Variants in MSI2 observed in about 807,000 individuals in gnomAD.
MSI2 encodes musashi RNA binding protein 2.
MSI2 carries 17 observed loss-of-function variants against 45.6 expected under a neutral mutation model. The observed-to-expected ratio is 0.37, with a 90% CI of 0.26 to 0.56. The LOEUF is 0.56. Among genes scored for constraint, MSI2 ranks in the 20% least tolerant of loss-of-function variants. The probability of loss-of-function intolerance (pLI) is 0.77; values close to 1 mark genes in which losing one functional copy is unlikely to be tolerated. For synonymous variants in MSI2, 156 were observed against 158.2 expected (o/e 0.99, Z 0.11); for missense variants, 293 against 444.2 (o/e 0.66, Z 3.06).
At chr17:57,495,247 T>C (rs1242133363) in intron 6 of MSI2, among the ~76,000 whole-genome samples, 1 of 152,080 alleles carries the variant, frequency 6.6e-6, no homozygotes, top group Non-Finnish European at 1.5e-5. Flanking sequence ...GAAAGCTTCA[T>C]ATGGGCCGGG....
chr17:57,291,809 A>G (rs776362777), intron 5 of MSI2, among the ~76,000 whole-genome samples: 1 of 151,740 alleles, frequency 6.6e-6, no homozygotes, highest in Non-Finnish European at 1.5e-5. Context: ...TTTTTGAGTG[A>G]AGGACGGGGG....
At chr17:57,602,811 G>T (rs1284260770) in intron 8 of MSI2, among the ~76,000 whole-genome samples, 1 of 152,176 alleles carries the variant, frequency 6.6e-6, no homozygotes, top group Non-Finnish European at 1.5e-5. Flanking sequence ...CCATGTACCA[G>T]CAGCCTTGGC....
intron 10 of MSI2, among the ~76,000 whole-genome samples, chr17:57,634,595 T>C (rs1219991556): frequency 6.6e-6 from 1 of 152,012 alleles, no homozygotes; most frequent in Non-Finnish European, 1.5e-5. Context: ...ATTAGCCAGG[T>C]AAAGAAGGAA....
intron 5 of MSI2, among the ~76,000 whole-genome samples, chr17:57,324,040 G>A (rs1670123682): frequency 6.6e-6 from 1 of 152,210 alleles, no homozygotes; most frequent in African/African-American, 2.4e-5. Context: ...CAGGTGTGGT[G>A]GCCCATGCCT....
chr17:57,258,755 G>A (rs1907048171), intron 4 of MSI2, among the ~76,000 whole-genome samples: 1 of 152,168 alleles, frequency 6.6e-6, no homozygotes, highest in Admixed American at 6.5e-5. Context: ...TGGCCAAGGG[G>A]GACAGCAGTG....
intron 5 of MSI2, among the ~76,000 whole-genome samples, chr17:57,350,409 G>A (rs1264356010): frequency 6.6e-6 from 1 of 152,136 alleles, no homozygotes; most frequent in Non-Finnish European, 1.5e-5. Context: ...TGCAAGGAAG[G>A]GATGTGTCTG....
intron 5 of MSI2, among the ~76,000 whole-genome samples, chr17:57,302,573 A>C (rs971704124): frequency 1.3e-5 from 2 of 152,210 alleles, no homozygotes; most frequent in African/African-American, 4.8e-5. Context: ...TAAATGACAC[A>C]AATGGCTGCT....
chr17:57,396,265 C>T (rs1183584915), intron 5 of MSI2, among the ~76,000 whole-genome samples: 1 of 151,900 alleles, frequency 6.6e-6, no homozygotes, highest in African/African-American at 2.4e-5. Context: ...TTTTTGTTTT[C>T]CTTGTGTGAT....
intron 10 of MSI2, among the ~76,000 whole-genome samples, chr17:57,644,442 A>G (rs1204108864): frequency 6.6e-6 from 1 of 152,024 alleles, no homozygotes; most frequent in Non-Finnish European, 1.5e-5. Flanking sequence ...CACAGAAGTC[A>G]GGGCTGTGGA....
intron 9 of MSI2, among the ~76,000 whole-genome samples, chr17:57,617,300 A>G (rs1264291665): frequency 6.6e-6 from 1 of 152,258 alleles, no homozygotes; most frequent in Non-Finnish European, 1.5e-5. Flanking sequence ...AATTGGCCAG[A>G]TGTTTCTAAA....
At chr17:57,421,985 A>C (rs2084404773) in intron 6 of MSI2, among the ~76,000 whole-genome samples, 1 of 152,248 alleles carries the variant, frequency 6.6e-6, no homozygotes, top group African/African-American at 2.4e-5. Context: ...ACAGTGGTTT[A>C]ATATTTAATA....
intron 5 of MSI2, among the ~76,000 whole-genome samples, chr17:57,379,412 G>A (rs1481589522): frequency 6.6e-6 from 1 of 151,604 alleles, no homozygotes; most frequent in South Asian, 2.1e-4. Flanking sequence ...ATTATGTGGC[G>A]AAGCCTTCAA....
chr17:57,311,284 T>C (rs895150135), intron 5 of MSI2, among the ~76,000 whole-genome samples: 3 of 152,244 alleles, frequency 2.0e-5, no homozygotes, highest in South Asian at 2.1e-4. Context: ...GATAAAGTGG[T>C]GCTGGGTCTT....
chr17:57,630,241 C>G (rs1006892513), intron 10 of MSI2: 7 of 152,228 alleles, frequency 4.6e-5, no homozygotes, highest in African/African-American at 1.7e-4. Context: ...AGTGTTTTTG[C>G]CCAGGGCCCA....
intron 6 of MSI2, among the ~76,000 whole-genome samples, chr17:57,519,668 A>G (rs1206445741): frequency 6.6e-6 from 1 of 151,752 alleles, no homozygotes; most frequent in Non-Finnish European, 1.5e-5. Flanking sequence ...TTACCTAATC[A>G]CCTCTATTCA....
the MSI2 span, among the ~76,000 whole-genome samples, chr17:57,697,501 C>A: frequency 6.6e-6 from 1 of 152,126 alleles, no homozygotes; most frequent in East Asian, 1.9e-4. Context: ...CACTGCTTCC[C>A]TCACACTCCC....
At chr17:57,299,932 G>C (rs572390514) in intron 5 of MSI2, among the ~76,000 whole-genome samples, 1 of 152,232 alleles carries the variant, frequency 6.6e-6, no homozygotes, top group Non-Finnish European at 1.5e-5. Context: ...AGGGAGGGCA[G>C]ATTATTTCCT....
chr17:57,307,212 A>G (rs563597626), intron 5 of MSI2, among the ~76,000 whole-genome samples: 7 of 152,264 alleles, frequency 4.6e-5, no homozygotes, highest in South Asian at 2.1e-4. Context: ...ACCTTAGTCT[A>G]TGTATTGCTG....
At chr17:57,284,705 A>C (rs1426026444) in intron 5 of MSI2, among the ~76,000 whole-genome samples, 14 of 152,096 alleles carry the variant, frequency 9.2e-5, no homozygotes, top group Admixed American at 9.2e-4. Context: ...CCTAGTGTAG[A>C]GTTGATTTTG....
Sources: allele counts gnomAD v4.1 joint callset (sites outside exome capture counted in the v4.1 genomes callset), GRCh38; gene constraint gnomAD v4.1.1; transcripts MANE v1.5; gene names NCBI Gene and HGNC (gene_info 2026-07-23, HGNC 2026-07-21).